The following MALRD1 variants were observed in gnomAD, a reference collection of about 807,000 sequenced individuals.
MALRD1 encodes MAM and LDL-receptor class A domain-containing protein 1.
Under a neutral mutation model 242.1 loss-of-function variants are expected in MALRD1, and 247 were observed. The ratio of observed to expected loss-of-function variants is 1.02; its 90% CI spans 0.92 to 1.13. MALRD1 has a LOEUF of 1.13. MALRD1 is among the 50% of genes most tolerant of loss of function. The pLI is 0.00. For synonymous variants in MALRD1, 995 were observed against 866.6 expected, an observed-to-expected ratio of 1.15 and a Z score of -2.60; for missense variants, 2,989 against 2,533.1, an observed-to-expected ratio of 1.18 and a Z score of -3.86.
intron 38 of MALRD1, among the ~76,000 whole-genome samples, chr10:19,704,317 A>G (rs1024743399): frequency 1.2e-4 from 19 of 152,204 alleles, no homozygotes; most frequent in African/African-American, 4.1e-4. Context: ...TAAAAAGTCT[A>G]AGATCCAGGA....
At chr10:19,237,786 T>C (rs1437950366) in intron 18 of MALRD1, among the ~76,000 whole-genome samples, 1 of 109,418 alleles carries the variant, frequency 9.1e-6, no homozygotes, top group African/African-American at 3.6e-5. Context: ...TAATTATTTA[T>C]AATTTTATAT....
intron 36 of MALRD1, among the ~76,000 whole-genome samples, chr10:19,638,557 T>C (rs1411672128): frequency 6.6e-6 from 1 of 152,172 alleles, no homozygotes; most frequent in Non-Finnish European, 1.5e-5. Context: ...ATGGTAGTAC[T>C]GCAAGCAGGA....
intron 18 of MALRD1, among the ~76,000 whole-genome samples, chr10:19,222,382 G>C (rs1837597460): frequency 6.6e-6 from 1 of 152,124 alleles, no homozygotes; most frequent in South Asian, 2.1e-4. Context: ...ACGCTAGAGA[G>C]GTTGAAATTT....
At chr10:19,636,904 A>G (rs1455699336) in intron 36 of MALRD1, among the ~76,000 whole-genome samples, 1 of 151,860 alleles carries the variant, frequency 6.6e-6, no homozygotes, top group East Asian at 1.9e-4. Flanking sequence ...GTCTCAAAAA[A>G]AAAAAAAAAC....
intron 26 of MALRD1, among the ~76,000 whole-genome samples, chr10:19,369,981 T>G (rs1313585428): frequency 6.6e-6 from 1 of 152,130 alleles, no homozygotes; most frequent in African/African-American, 2.4e-5. Context: ...AGAATTTTTG[T>G]CCACCCTGGT....
chr10:19,485,457 T>C (rs1399877399), intron 29 of MALRD1, among the ~76,000 whole-genome samples: 4 of 151,968 alleles, frequency 2.6e-5, no homozygotes, highest in Admixed American at 2.6e-4. Flanking sequence ...TTCTGGCTAA[T>C]AGGGTGAAAC....
intron 28 of MALRD1, among the ~76,000 whole-genome samples, chr10:19,429,734 T>C (rs1834046338): frequency 6.6e-6 from 1 of 152,180 alleles, no homozygotes; most frequent in African/African-American, 2.4e-5. Flanking sequence ...TTTCTAGTTC[T>C]TGATATTGAT....
intron 28 of MALRD1, among the ~76,000 whole-genome samples, chr10:19,428,553 G>A (rs1589058362): frequency 6.6e-6 from 1 of 152,014 alleles, no homozygotes; most frequent in Non-Finnish European, 1.5e-5. Flanking sequence ...ACTACTGAGT[G>A]CTTCCAGGTC....
Position 19,209,265 on chromosome 10 carries a change from C to T in MALRD1, c.2579-3C>T. 6.7e-7 allele frequency: 1 copy of T among 1,502,602 alleles called. No individual in the cohort carries two copies. Among genetic ancestry groups the T allele is most frequent in the South Asian group, 1.3e-5 (1 of 76,090 alleles). 93.1% of individuals were successfully genotyped at this position (1,502,602 alleles called of 1,614,324 possible). A position where few individuals can be genotyped will look rare whatever the true frequency, so the allele number is the denominator to read the frequency against. On this transcript the variant is annotated splice_polypyrimidine_tract_variant and splice_region_variant and intron_variant, in intron 17 of 39. Coordinates refer to ENST00000454679, the MANE Select transcript of MALRD1 (RefSeq NM_001142308.3). ...TTTTGCTTTTATTTCATGTGAATTT[C>T]AGCACCTGAGCTGCAGTGTAACTTT...
At chr10:19,222,373 C>T (rs903553472) in intron 18 of MALRD1, among the ~76,000 whole-genome samples, 1 of 152,132 alleles carries the variant, frequency 6.6e-6, no homozygotes, top group Non-Finnish European at 1.5e-5. Context: ...AGCCGAGGGA[C>T]GCTAGAGAGG....
intron 32 of MALRD1, among the ~76,000 whole-genome samples, chr10:19,535,813 C>A (rs1467404157): frequency 1.3e-5 from 2 of 152,110 alleles, no homozygotes; most frequent in Non-Finnish European, 2.9e-5. Flanking sequence ...GTGCCATAAA[C>A]ACATGACCTC....
chr10:19,140,815 CA>C (rs1352061829), intron 10 of MALRD1, among the ~76,000 whole-genome samples: 1 of 151,964 alleles, frequency 6.6e-6, no homozygotes, highest in Non-Finnish European at 1.5e-5. Flanking sequence ...AGGTATTGGT[CA>C]AAAGATACAA....
chr10:19,733,808 G>GGTTTT (rs1178103613), intron 39 of MALRD1, among the ~76,000 whole-genome samples: 1 of 151,646 alleles, frequency 6.6e-6, no homozygotes, highest in Admixed American at 6.6e-5. Context: ...TAAAGGCATT[G>GGTTTT]GTTTTGTTTT....
intron 38 of MALRD1, among the ~76,000 whole-genome samples, chr10:19,718,350 C>T (rs1384822704): frequency 1.9e-4 from 29 of 152,200 alleles, no homozygotes; most frequent in Admixed American, 1.9e-3. Flanking sequence ...TACTCAGCTC[C>T]TGTGGAGGAA....
At chr10:19,518,139 A>G (rs895762447) in intron 31 of MALRD1, among the ~76,000 whole-genome samples, 3 of 152,172 alleles carry the variant, frequency 2.0e-5, no homozygotes, top group Non-Finnish European at 4.4e-5. Context: ...GCTGAAACAC[A>G]GCTGCTTATG....
At chr10:19,331,884 T>A (rs1422294894) in intron 24 of MALRD1, among the ~76,000 whole-genome samples, 1 of 152,176 alleles carries the variant, frequency 6.6e-6, no homozygotes, top group Non-Finnish European at 1.5e-5. Context: ...AGTGGTTTTT[T>A]TGAGACGGAA....
chr10:19,664,670 G>T (rs900856046), intron 36 of MALRD1, among the ~76,000 whole-genome samples: 46 of 151,502 alleles, frequency 3.0e-4, no homozygotes, highest in Non-Finnish European at 5.0e-4. Context: ...AATTTGTATT[G>T]TTTCTATATT....
chr10:19,596,986 G>A (rs753442409), intron 34 of MALRD1, among the ~76,000 whole-genome samples: 7 of 152,062 alleles, frequency 4.6e-5, no homozygotes, highest in Non-Finnish European at 1.0e-4. Context: ...TGGAAGAAGA[G>A]TAAAGATGAA....
chr10:19,449,925 A>G (rs746534749), intron 28 of MALRD1, among the ~76,000 whole-genome samples: 12 of 152,220 alleles, frequency 7.9e-5, no homozygotes, highest in Non-Finnish European at 1.5e-4. Context: ...AGTTGTGCAG[A>G]GCTGGAAAGC....
Sources: allele counts gnomAD v4.1 joint callset (sites outside exome capture counted in the v4.1 genomes callset), GRCh38; gene constraint gnomAD v4.1.1; transcripts MANE v1.5; gene names NCBI Gene and HGNC (gene_info 2026-07-23, HGNC 2026-07-21).